Variants in MYBL2 observed in about 807,000 individuals in gnomAD.
MYBL2 encodes MYB proto-oncogene like 2, also known as myb-related protein B.
In MYBL2, 28 loss-of-function variants were observed where a neutral mutation model predicts 79.9. The ratio of observed to expected loss-of-function variants is 0.35; its 90% confidence interval spans 0.26 to 0.48. The LOEUF is 0.48. Among genes scored for constraint, MYBL2 ranks in the 20% least tolerant of loss-of-function variants. The pLI is 0.99. For missense variants in MYBL2, 735 were observed against 893.9 expected (o/e 0.82, Z 2.27); for synonymous variants, 378 against 361.2 (o/e 1.05, Z -0.53).
At chr20:43,712,835 A>G (rs1987940757) in intron 11 of MYBL2, among the ~76,000 whole-genome samples, 167 bp from the exon 12 acceptor site, 1 of 152,104 alleles carries the variant, frequency 6.6e-6, no homozygotes, top group South Asian at 2.1e-4. Context: ...TAACTTTCCC[A>G]GCCACCCCAT....
rs770112782 is a variant in MYBL2, at chr20:43,687,106, C to T, written c.500+34C>T. 9 of 1,600,388 alleles carry T rather than the reference C, an allele frequency of 5.6e-6. No individual in the cohort carries two copies. The South Asian group carries it at 1.0e-4, about 18-fold the overall frequency. ...TCTTCTTGGGGGTTGGGACAGGTTC[C>T]CGGGAGGCCAGGCCCGTGTTTCTGA... On this transcript the variant is annotated intron_variant, in intron 5 of 13. Transcript: ENST00000217026.
intron 4 of MYBL2, among the ~76,000 whole-genome samples, chr20:43,685,929 T>C (rs939823517): frequency 7.3e-5 from 11 of 151,506 alleles, no homozygotes; most frequent in Non-Finnish European, 1.2e-4. Flanking sequence ...CTCAGCTACT[T>C]GGGAGGCTGA....
chr20:43,709,199 GC>G (rs1468097568), intron 9 of MYBL2, among the ~76,000 whole-genome samples: 1 of 152,156 alleles, frequency 6.6e-6, no homozygotes, highest in Non-Finnish European at 1.5e-5. Context: ...ATGAGAGTCA[GC>G]CATGGTGGTA....
chr20:43,705,352 A>G lies in MYBL2; in HGVS notation c.1499A>G (p.His500Arg). The G allele has an allele frequency of 1.9e-6, 3 of 1,611,488 alleles. No individual in the cohort carries two copies. Among genetic ancestry groups the G allele is most frequent in the South Asian group, 2.2e-5 (2 of 90,486 alleles). Residue 500 changes from histidine (H) to arginine (R), a missense_variant, in exon 9 of 14, where the codon CAT becomes CGT. Physicochemically the swap from His to Arg is conservative, Grantham distance 29. Transcript: ENST00000217026. ...HRDKTPLHQKHAAFVTPDQKY... is the reference protein window; with the variant it reads ...HRDKTPLHQKRAAFVTPDQKY... ...GACAAGACACCCCTGCACCAGAAAC[A>G]TGCTGCGTGAGTGCTGCAGTGCCCC...
At chr20:43,684,014 G>C (rs1010261516) in intron 4 of MYBL2, among the ~76,000 whole-genome samples, 1 of 151,698 alleles carries the variant, frequency 6.6e-6, no homozygotes. Context: ...TTGCAGCCTC[G>C]ACCTCCCAGG....
chr20:43,698,685 A>G (rs1022462363), intron 6 of MYBL2, among the ~76,000 whole-genome samples: 6 of 136,900 alleles, frequency 4.4e-5, no homozygotes, highest in East Asian at 2.1e-4. Flanking sequence ...TTTTTTTTTA[A>G]ATGAGCAGGG....
In MYBL2 at chr20:43,711,595, G is replaced by A; in HGVS notation, c.1713G>A (p.Lys571=). 1 of 1,612,366 alleles carries A rather than the reference G, an allele frequency of 6.2e-7. No homozygotes were observed. The highest frequency in any genetic ancestry group is 8.5e-7 in the Non-Finnish European group (1 of 1,179,150). ...DDIRPEKQKR[K]PGLRRSPIKK... The stretch of plus-strand genomic sequence containing the variant: ...TCAGGCCCGAGAAGCAGAAGAGGAA[G>A]CCTGGGGTGAGTAGGGTAGGGGTGG... Residue 571 remains lysine, a synonymous_variant, in exon 11 of 14, where the codon AAG becomes AAA. Transcript: ENST00000217026.
intron 5 of MYBL2, among the ~76,000 whole-genome samples, chr20:43,691,508 C>T (rs1452341319): frequency 1.3e-5 from 2 of 150,866 alleles, no homozygotes; most frequent in Admixed American, 6.7e-5. Flanking sequence ...GCCAGGATTA[C>T]AGGCGTGAGC....
intron 8 of MYBL2, among the ~76,000 whole-genome samples, chr20:43,704,023 T>A (rs1987727479): frequency 6.6e-6 from 1 of 152,144 alleles, no homozygotes; most frequent in Non-Finnish European, 1.5e-5. Flanking sequence ...CTTTATTTTT[T>A]GAGAGTCGCT....
intron 9 of MYBL2, among the ~76,000 whole-genome samples, chr20:43,705,846 A>G (rs963456299): frequency 2.0e-5 from 3 of 151,982 alleles, no homozygotes; most frequent in Non-Finnish European, 2.9e-5. Context: ...GACTACAGGC[A>G]TCCGCCACCG....
At position 43,681,768 on chromosome 20, in the gene MYBL2, T is replaced by TTTCTGG; in HGVS notation, c.115-14_115-9dup. 1 of 1,614,184 alleles carries TTTCTGG rather than the reference T, an allele frequency of 6.2e-7. No homozygotes were observed. The highest frequency in any genetic ancestry group is 8.5e-7 in the Non-Finnish European group (1 of 1,180,008). On this transcript the variant is annotated splice_polypyrimidine_tract_variant and intron_variant, in intron 2 of 13. Coordinates refer to ENST00000217026, the MANE Select transcript of MYBL2 (RefSeq NM_002466.4). ...CACGTATGTGTGCTGAGCCCCTGTC[T>TTTCTGG]TTCTGGTGTTGGCAGGACGAGCAGC... is the stretch of plus-strand genomic sequence containing the variant.
chr20:43,694,577 ATGTTTTTGCCTCTATTTCT>A (rs1260629670), intron 6 of MYBL2, among the ~76,000 whole-genome samples: 1 of 152,116 alleles, frequency 6.6e-6, no homozygotes, highest in Non-Finnish European at 1.5e-5. Context: ...GCGATATATT[ATGTTTTTGCCTCTATTTCT>A]TGAATTTTCA....
intron 6 of MYBL2, among the ~76,000 whole-genome samples, chr20:43,698,061 C>CTT (rs11475916): frequency 3.6e-5 from 4 of 112,404 alleles, no homozygotes; most frequent in African/African-American, 1.4e-4. Context: ...GCTTGGTTGT[C>CTT]TTTTTTTTTT....
chr20:43,716,475 T>C lies in MYBL2; in HGVS notation c.*388T>C. ...ATTTTTTTGGAAGAATAAAATTGCC[T>C]CTCTCTTTGTGCTGGTCTGGACTCT... is the stretch of plus-strand genomic sequence containing the variant. On this transcript the variant is annotated 3_prime_UTR_variant, in exon 14 of 14. Transcript: ENST00000217026. The C allele has an allele frequency of 4.2e-6, 1 of 235,880 alleles. No homozygotes were observed. Among genetic ancestry groups the C allele is most frequent in the Non-Finnish European group, 8.2e-6 (1 of 122,140 alleles). The allele number at this position is 235,880 out of a possible 1,614,324, so 14.6% of individuals were successfully genotyped here. A position where few individuals can be genotyped will look rare whatever the true frequency, so the allele number is the denominator to read the frequency against.
chr20:43,692,428 A>C, intron 6 of MYBL2, 109 bp downstream of exon 6: 1 of 1,388,502 alleles, frequency 7.2e-7, no homozygotes, highest in South Asian at 1.4e-5. Context: ...ACAGAGTCTA[A>C]AAGTGGGCTC....
chr20:43,699,456 A>C (rs1281890528), intron 6 of MYBL2, among the ~76,000 whole-genome samples: 3 of 152,214 alleles, frequency 2.0e-5, no homozygotes, highest in Non-Finnish European at 4.4e-5. Context: ...TATTCAATCC[A>C]GGGAATTTAA....
intron 5 of MYBL2, among the ~76,000 whole-genome samples, chr20:43,689,947 T>G: frequency 6.6e-6 from 1 of 151,672 alleles, no homozygotes; most frequent in African/African-American, 2.4e-5. Flanking sequence ...GACTCAAGAG[T>G]TTCAGGTACA....
chr20:43,706,733 T>TTTTTTTTTTTTTTTTG (rs1987793274), intron 9 of MYBL2, among the ~76,000 whole-genome samples: 2 of 136,982 alleles, frequency 1.5e-5, no homozygotes, highest in Non-Finnish European at 1.6e-5. Flanking sequence ...TTTTTTTTTT[T>TTTTTTTTTTTTTTTTG]GAGATGGAGT....
chr20:43,681,233 T>A (rs1236885452), intron 2 of MYBL2, among the ~76,000 whole-genome samples: 1 of 152,182 alleles, frequency 6.6e-6, no homozygotes, highest in African/African-American at 2.4e-5. Context: ...CTGAGTTCAG[T>A]AATGACCTCC....
Sources: allele counts gnomAD v4.1 joint callset (sites outside exome capture counted in the v4.1 genomes callset), GRCh38; gene constraint gnomAD v4.1.1; transcripts MANE v1.5; gene names NCBI Gene and HGNC (gene_info 2026-07-23, HGNC 2026-07-21).